ADAMTSL3: variants seen among roughly 807,000 people sequenced by gnomAD.
ADAMTSL3 encodes the protein ADAMTS like 3.
A neutral mutation model predicts 201.7 loss-of-function variants in ADAMTSL3; 128 were observed. The ratio of observed to expected loss-of-function variants is 0.63; its 90% CI spans 0.55 to 0.73. The LOEUF (loss-of-function observed/expected upper bound fraction) is 0.73, where lower values mean the gene tolerates loss of function less well. Ranked by LOEUF, ADAMTSL3 falls within the 30% of genes least tolerant of loss-of-function variation. The pLI, the probability that ADAMTSL3 is intolerant of heterozygous loss-of-function variation, is 0.00. For missense variants in ADAMTSL3, 1,990 were observed against 2,119.6 expected, an observed-to-expected ratio of 0.94 and a Z score of 1.20; for synonymous variants, 738 against 748.4, an observed-to-expected ratio of 0.99 and a Z score of 0.23.
Position 83,913,156 on chromosome 15 carries a change from G to T in ADAMTSL3, c.1765G>T (p.Val589Leu), listed in dbSNP as rs777149785. 5.0e-6 allele frequency: 8 copies of T among 1,614,168 alleles called. No individual in the cohort carries two copies. Among genetic ancestry groups the T allele is most frequent in the Admixed American group, 1.7e-5 (1 of 60,028 alleles). ...TGGGCCGGGTGTGCAGGTCCGTGAGGTGAAGTGCCGTGTGCTCCTCACATT... is the reference window on the plus strand; with the variant it reads ...TGGGCCGGGTGTGCAGGTCCGTGAGTTGAAGTGCCGTGTGCTCCTCACATT... ...TCGPGVQVRE[V>L]KCRVLLTFTQ... Residue 589 changes from valine to leucine, a missense_variant, in exon 16 of 30, where the codon GTG becomes TTG. Val to Leu is a conservative substitution (Grantham distance 32). Transcript: ENST00000286744.
chr15:83,819,512 C>T (rs952257162), intron 5 of ADAMTSL3, among the ~76,000 whole-genome samples: 5 of 152,060 alleles, frequency 3.3e-5, no homozygotes, highest in African/African-American at 1.2e-4. Context: ...TAAAATAGGG[C>T]AAAGTTTGCC....
chr15:83,711,546 T>C (rs2061933881), intron 3 of ADAMTSL3, among the ~76,000 whole-genome samples: 1 of 152,228 alleles, frequency 6.6e-6, no homozygotes, highest in Non-Finnish European at 1.5e-5. Context: ...CTCGGTCAAA[T>C]GTAGTTATGC....
chr15:83,885,075 G>A, intron 9 of ADAMTSL3, 26 bp from the exon 10 acceptor site: 1 of 1,524,964 alleles, frequency 6.6e-7, no homozygotes, highest in Non-Finnish European at 9.1e-7. Flanking sequence ...GTTTGCACGT[G>A]TGTTCTCACA....
intron 15 of ADAMTSL3, among the ~76,000 whole-genome samples, chr15:83,910,702 TTGGCTCAC>T (rs2065915815): frequency 6.6e-6 from 1 of 151,306 alleles, no homozygotes; most frequent in Non-Finnish European, 1.5e-5. Context: ...TGGCACAATC[TTGGCTCAC>T]TGCAACCTCC....
rs2067221118 is a variant in ADAMTSL3 at position 83,972,874 on chromosome 15, T to G, written c.2644+2237T>G. ...TCTGCTTCTACACTTTCACATAGCA[T>G]CCTCTTCACCACCATATGACAGAGC... On this transcript the variant is annotated intron_variant, in intron 20 of 29. Transcript: ENST00000286744. 1.3e-5 allele frequency among the ~76,000 whole-genome samples: 2 copies of G among 152,108 alleles called. 1 individual carries two copies. The highest frequency in any genetic ancestry group is 4.1e-4 in the South Asian group (2 of 4,822).
At chr15:83,764,247 T>C (rs760103934) in intron 3 of ADAMTSL3, among the ~76,000 whole-genome samples, 3 of 152,154 alleles carry the variant, frequency 2.0e-5, no homozygotes, top group Non-Finnish European at 4.4e-5. Context: ...CCTCAGTCCT[T>C]ACCCACACTC....
intron 2 of ADAMTSL3, among the ~76,000 whole-genome samples, chr15:83,682,599 A>G (rs1401019282): frequency 6.6e-6 from 1 of 152,162 alleles, no homozygotes; most frequent in Non-Finnish European, 1.5e-5. Context: ...TTGGAAGAGG[A>G]ACTAAGTTGG....
At chr15:84,023,012 T>C (rs2068234129) in intron 26 of ADAMTSL3, among the ~76,000 whole-genome samples, 1 of 152,200 alleles carries the variant, frequency 6.6e-6, no homozygotes, top group Non-Finnish European at 1.5e-5. Flanking sequence ...TTATGTTATA[T>C]GATTTTTATA....
At chr15:83,972,979 C>T (rs917716649) in intron 20 of ADAMTSL3, among the ~76,000 whole-genome samples, 6 of 152,140 alleles carry the variant, frequency 3.9e-5, no homozygotes, top group Non-Finnish European at 5.9e-5. Context: ...TAGATTGCCC[C>T]GTCTCATACC....
At chr15:83,755,837 T>C (rs936580046) in intron 3 of ADAMTSL3, among the ~76,000 whole-genome samples, 5 of 152,142 alleles carry the variant, frequency 3.3e-5, no homozygotes, top group African/African-American at 1.2e-4. Context: ...CACTACAACT[T>C]CCACCTTCCG....
At chr15:83,856,706 A>G (rs2064742732) in intron 7 of ADAMTSL3, among the ~76,000 whole-genome samples, 1 of 152,164 alleles carries the variant, frequency 6.6e-6, no homozygotes, top group South Asian at 2.1e-4. Context: ...TTATCCATTC[A>G]TCCATAGACA....
chr15:83,837,280 T>C (rs761611901), intron 6 of ADAMTSL3, among the ~76,000 whole-genome samples: 6 of 151,078 alleles, frequency 4.0e-5, no homozygotes, highest in East Asian at 1.9e-4. Context: ...ATAAAGACTA[T>C]AGACAGATAT....
chr15:83,674,347 T>C lies in ADAMTSL3; in HGVS notation c.69+18517T>C, dbSNP rs148854986. Among the ~76,000 whole-genome samples, 3 of 152,222 alleles carry C rather than the reference T, an allele frequency of 2.0e-5. No homozygotes were observed. In the East Asian group the frequency reaches 5.8e-4, roughly 29 times the overall value. On this transcript the variant is annotated intron_variant, in intron 2 of 29. Coordinates refer to ENST00000286744, the MANE Select transcript of ADAMTSL3 (RefSeq NM_207517.3). Reference sequence around the variant, plus strand: ...CTCACTTTTGCCTATGATGTCCAATTGCACCATCGTCATTTCTTGAAAAGA... The same window carrying C: ...CTCACTTTTGCCTATGATGTCCAATCGCACCATCGTCATTTCTTGAAAAGA...
At chr15:83,916,332 A>G (rs1296166880) in intron 16 of ADAMTSL3, among the ~76,000 whole-genome samples, 2 of 152,166 alleles carry the variant, frequency 1.3e-5, no homozygotes, top group Admixed American at 1.3e-4. Flanking sequence ...CTGTAATAAT[A>G]TTATTGAAAT....
At position 83,942,756 on chromosome 15, in the gene ADAMTSL3, C is replaced by T; in HGVS notation, c.2278C>T (p.Pro760Ser). 6.2e-7 allele frequency: 1 copy of T among 1,613,848 alleles called. No individual in the cohort carries two copies. The highest frequency in any genetic ancestry group is 1.1e-5 in the South Asian group (1 of 91,066). Residue 760 changes from proline (P) to serine (S), a missense_variant, in exon 18 of 30, where the codon CCT (proline) becomes TCT (serine). Physicochemically the swap from Pro to Ser is moderately conservative, Grantham distance 74. Transcript: ENST00000286744. ...ALQACNQFDC[P>S]PGWHIEEWQQ... ...ACAAGCATGCAATCAGTTTGACTGCCCTCCTGGCTGGCACATTGAAGAATG... is the reference window on the plus strand; with the variant it reads ...ACAAGCATGCAATCAGTTTGACTGCTCTCCTGGCTGGCACATTGAAGAATG...
At chr15:83,773,494 T>C (rs200982479) in intron 3 of ADAMTSL3, 29 bp from the exon 4 acceptor site, 120 of 1,610,086 alleles carry the variant, frequency 7.5e-5, no homozygotes, top group Admixed American at 8.4e-5. Flanking sequence ...TGTGGTTTTT[T>C]TTTTGTTTGT....
chr15:83,837,073 C>T (rs1270077648), intron 6 of ADAMTSL3, among the ~76,000 whole-genome samples: 1 of 151,994 alleles, frequency 6.6e-6, no homozygotes. Flanking sequence ...CAAATACACA[C>T]ACATATGTAC....
intron 13 of ADAMTSL3, among the ~76,000 whole-genome samples, chr15:83,896,922 G>A (rs555643171): frequency 9.2e-5 from 14 of 152,224 alleles, no homozygotes; most frequent in East Asian, 1.9e-4. Flanking sequence ...AGCGGGAGAC[G>A]GAGAGAGAGC....
Position 83,838,058 on chromosome 15 carries a change from G to C in ADAMTSL3, c.601-31G>C, listed in dbSNP as rs1274601043. 4 of 1,597,922 alleles carry C rather than the reference G, an allele frequency of 2.5e-6. No homozygotes were observed. The Admixed American group carries it at 5.4e-5, about 21-fold the overall frequency. ...AGAGCTCCCCCTCCCCTGGCTTTGG[G>C]CACCACTGACTGCCATGCTTCTGTT... On this transcript the variant is annotated intron_variant, in intron 6 of 29. Transcript: ENST00000286744.
Sources: gnomAD v4.1 joint callset for allele counts (sites outside exome capture counted in the v4.1 genomes callset) on GRCh38, gnomAD v4.1.1 for gene constraint, MANE v1.5 for transcripts, NCBI Gene and HGNC (gene_info 2026-07-23, HGNC 2026-07-21) for gene names.